Variants in RIMBP2 observed in about 807,000 individuals in gnomAD.
RIMBP2 encodes RIMS binding protein 2.
A neutral mutation model predicts 118.6 loss-of-function variants in RIMBP2; 48 were observed. That is an observed-to-expected ratio of 0.40 (90% confidence interval 0.32 to 0.51). The LOEUF (loss-of-function observed/expected upper bound fraction) is 0.51, where lower values mean the gene tolerates loss of function less well. RIMBP2 is among the 20% of genes least tolerant of loss of function. The probability of loss-of-function intolerance (pLI) is 0.41; values close to 1 mark genes in which losing one functional copy is unlikely to be tolerated. For synonymous variants in RIMBP2, 762 were observed against 742.9 expected (o/e 1.03, Z -0.42); for missense variants, 1,551 against 1,768.3 (o/e 0.88, Z 2.20).
At chr12:130,575,720 T>C (rs2058040586) in intron 2 of RIMBP2, among the ~76,000 whole-genome samples, 1 of 152,120 alleles carries the variant, frequency 6.6e-6, no homozygotes, top group African/African-American at 2.4e-5. Context: ...ATGAAGGGGA[T>C]GGAGGATGAA....
At chr12:130,524,991 G>T (rs1207060905) in intron 2 of RIMBP2, among the ~76,000 whole-genome samples, 1 of 152,184 alleles carries the variant, frequency 6.6e-6, no homozygotes, top group African/African-American at 2.4e-5. Context: ...AATGCTCAGG[G>T]GACAGGTCCC....
chr12:130,446,950 G>A lies in RIMBP2; in HGVS notation c.582-1681C>T. Among the ~76,000 whole-genome samples the A allele has an allele frequency of 6.6e-6, 1 of 151,522 alleles. No homozygotes were observed. Among genetic ancestry groups the A allele is most frequent in the Admixed American group, 6.6e-5 (1 of 15,210 alleles). On this transcript the variant is annotated intron_variant, in intron 9 of 22. Transcript: ENST00000690449. The surrounding 1 kb of genome is among the most constrained non-coding windows in gnomAD (Gnocchi z 4.1). ...GGACTGAGGTGCAGGAGGACCCTCG[G>A]CTTTCTGGCCTCAGGGTGAGCAGGC...
Position 130,523,917 on chromosome 12 carries a change from C to T in RIMBP2, c.-216-6000G>A, listed in dbSNP as rs1202272228. Among the ~76,000 whole-genome samples the T allele has an allele frequency of 6.6e-6, 1 of 152,152 alleles. No individual in the cohort carries two copies. The highest frequency in any genetic ancestry group is 2.4e-5 in the African/African-American group (1 of 41,434). ...GAAGAGGGTCCACCCAGCACAAATA[C>T]ATAACAAAGGCATGTAAGGGCACAG... On this transcript the variant is annotated intron_variant, in intron 2 of 22. Transcript: ENST00000690449. The surrounding 1 kb of genome is among the most constrained non-coding windows in gnomAD (Gnocchi z 4.4).
rs553207470 is a variant in RIMBP2, at chr12:130,703,926, C to G, written c.-352+12296G>C. Among the ~76,000 whole-genome samples, 4 of 152,278 alleles carry G rather than the reference C, an allele frequency of 2.6e-5. No individual in the cohort carries two copies. The South Asian group carries it at 6.2e-4, about 24-fold the overall frequency. ...ACCACCCTGGGAGGCAGTGCCCCAG[C>G]TGTGCTCACCGGTGAGGGGAACACA... On this transcript the variant is annotated intron_variant, in intron 1 of 22. Coordinates refer to ENST00000690449, the MANE Select transcript of RIMBP2 (RefSeq NM_001393629.1). The surrounding 1 kb of genome is among the most constrained non-coding windows in gnomAD (Gnocchi z 5.7).
chr12:130,599,567 T>G (rs977481213), intron 2 of RIMBP2, among the ~76,000 whole-genome samples: 1 of 152,186 alleles, frequency 6.6e-6, no homozygotes, highest in South Asian at 2.1e-4. Context: ...CATAATACCA[T>G]GACTTACCCA....
intron 2 of RIMBP2, among the ~76,000 whole-genome samples, 191 bp from the exon 3 acceptor site, chr12:130,518,108 A>G (rs2051668648): frequency 6.6e-6 from 1 of 152,218 alleles, no homozygotes; most frequent in South Asian, 2.1e-4. Flanking sequence ...AATCTACAAA[A>G]GGCAATCATG....
At chr12:130,519,336 C>T (rs928211166) in intron 2 of RIMBP2, among the ~76,000 whole-genome samples, 3 of 152,170 alleles carry the variant, frequency 2.0e-5, no homozygotes, top group African/African-American at 7.2e-5. Context: ...TAATGAGCTC[C>T]GCTACTCTGT....
In RIMBP2 at chr12:130,424,643, G is replaced by A. The variant is rs574601940; in HGVS notation, c.2628C>T (p.Asp876=). ...EPRPGRPYRG[D]EAPRGSWFPV... ...GGAACCAGGAGCCCCGAGGGGCCTCGTCGCCCCTGTAGGGCCTGCCGGGCC... is the reference window on the plus strand; with the variant it reads ...GGAACCAGGAGCCCCGAGGGGCCTCATCGCCCCTGTAGGGCCTGCCGGGCC... The change falls in exon 16 of 23, where the codon GAC becomes GAT. Residue 876 remains aspartate, a synonymous_variant. Coordinates refer to ENST00000690449, the MANE Select transcript of RIMBP2 (RefSeq NM_001393629.1). This position sits in a 1 kb window ranked among gnomAD's most constrained non-coding sequence, Gnocchi z 9.8. 171 of 1,231,866 alleles carry A rather than the reference G, an allele frequency of 1.4e-4. No individual in the cohort carries two copies. Among genetic ancestry groups the A allele is most frequent in the Middle Eastern group, 3.1e-4 (1 of 3,210 alleles). 76.3% of individuals were successfully genotyped at this position (1,231,866 alleles called of 1,614,324 possible).
intron 2 of RIMBP2, among the ~76,000 whole-genome samples, chr12:130,534,989 C>A (rs1275481287): frequency 1.3e-5 from 2 of 152,122 alleles, no homozygotes; most frequent in Non-Finnish European, 2.9e-5. Flanking sequence ...GTAAAACATC[C>A]CCACCTGACG....
At position 130,450,906 on chromosome 12, in the gene RIMBP2, G is replaced by A. The variant is rs926581920; in HGVS notation, c.504+289C>T. Among the ~76,000 whole-genome samples, 12 of 152,132 alleles carry A rather than the reference G, an allele frequency of 7.9e-5. No homozygotes were observed. The highest frequency in any genetic ancestry group is 2.4e-5 in the African/African-American group (1 of 41,414). Reference sequence around the variant, plus strand: ...CGGCCAGCTCTGCGTCAACAGCCTTGCTGCGTCATCCTTGCACCCCTCGAT... The same window carrying A: ...CGGCCAGCTCTGCGTCAACAGCCTTACTGCGTCATCCTTGCACCCCTCGAT... On this transcript the variant is annotated intron_variant, in intron 8 of 22. Coordinates refer to ENST00000690449, the MANE Select transcript of RIMBP2 (RefSeq NM_001393629.1). This position sits in a 1 kb window ranked among gnomAD's most constrained non-coding sequence, Gnocchi z 4.8.
chr12:130,553,551 C>A (rs2139762313), intron 2 of RIMBP2, among the ~76,000 whole-genome samples: 1 of 152,186 alleles, frequency 6.6e-6, no homozygotes, highest in East Asian at 1.9e-4. Flanking sequence ...CAAGAACAGC[C>A]TGGGCAACAT....
chr12:130,422,393 G>T lies in RIMBP2; in HGVS notation c.3238+60C>A. The T allele has an allele frequency of 8.3e-7, 1 of 1,206,352 alleles. No homozygotes were observed. Among genetic ancestry groups the T allele is most frequent in the South Asian group, 1.3e-5 (1 of 77,240 alleles). The allele number at this position is 1,206,352 out of a possible 1,614,324, so 74.7% of individuals were successfully genotyped here. A position where few individuals can be genotyped will look rare whatever the true frequency, so the allele number is the denominator to read the frequency against. On this transcript the variant is annotated intron_variant, in intron 17 of 22. Transcript: ENST00000690449. This position sits in a 1 kb window ranked among gnomAD's most constrained non-coding sequence, Gnocchi z 5.2. Reference sequence around the variant, plus strand: ...CTAAAGTTTTGTTCATGCTTAGATGGAGTAAGCAGCCACATGCTCCGCGGC... The same window carrying T: ...CTAAAGTTTTGTTCATGCTTAGATGTAGTAAGCAGCCACATGCTCCGCGGC...
chr12:130,706,229 G>C (rs1213266913), intron 1 of RIMBP2, among the ~76,000 whole-genome samples: 1 of 152,182 alleles, frequency 6.6e-6, no homozygotes, highest in Non-Finnish European at 1.5e-5. Flanking sequence ...CATCTGAATG[G>C]AAATAAAGGC....
At chr12:130,642,630 C>T (rs180672151) in intron 1 of RIMBP2, among the ~76,000 whole-genome samples, 103 of 152,318 alleles carry the variant, frequency 6.8e-4, no homozygotes, top group Non-Finnish European at 1.3e-3. Context: ...GAATAATAAC[C>T]TTTATTACTT....
chr12:130,634,629 C>T (rs1367452558), intron 1 of RIMBP2, among the ~76,000 whole-genome samples: 2 of 151,848 alleles, frequency 1.3e-5, no homozygotes, highest in Non-Finnish European at 2.9e-5. Context: ...TCTCATTCTG[C>T]CACCTAGGCT....
At chr12:130,555,001 A>G (rs2056206456) in intron 2 of RIMBP2, among the ~76,000 whole-genome samples, 1 of 152,264 alleles carries the variant, frequency 6.6e-6, no homozygotes, top group South Asian at 2.1e-4. Flanking sequence ...TGTTCTAAAC[A>G]TTTTATAAAC....
intron 2 of RIMBP2, among the ~76,000 whole-genome samples, chr12:130,541,176 CA>C (rs2054569561): frequency 6.6e-6 from 1 of 152,206 alleles, no homozygotes. Flanking sequence ...CACTCCTGGG[CA>C]ATCTCTGTCT....
At chr12:130,555,547 A>G (rs1281301531) in intron 2 of RIMBP2, among the ~76,000 whole-genome samples, 1 of 152,208 alleles carries the variant, frequency 6.6e-6, no homozygotes, top group African/African-American at 2.4e-5. Context: ...ATTATTACAG[A>G]AAAACACATT....
intron 2 of RIMBP2, among the ~76,000 whole-genome samples, chr12:130,543,843 A>G (rs2054838186): frequency 6.6e-6 from 1 of 152,136 alleles, no homozygotes; most frequent in Admixed American, 6.5e-5. Context: ...CTTACTGCCA[A>G]TTTAACAGCA....
Sources: allele counts gnomAD v4.1 joint callset (sites outside exome capture counted in the v4.1 genomes callset), GRCh38; gene constraint gnomAD v4.1.1; non-coding constraint Gnocchi (gnomAD v3.1); transcripts MANE v1.5; gene names NCBI Gene and HGNC (gene_info 2026-07-23, HGNC 2026-07-21).